Variants in RTN1 observed in about 807,000 individuals in gnomAD.
The protein encoded by RTN1 is reticulon 1, also known as reticulon-1.
Under a neutral mutation model 65.5 loss-of-function variants are expected in RTN1, and 25 were observed. That is an observed-to-expected ratio of 0.38 (90% CI 0.28 to 0.53). The LOEUF is 0.53. Among genes scored for constraint, RTN1 ranks in the 20% least tolerant of loss-of-function variants. The pLI is 0.79. For synonymous variants in RTN1, 471 were observed against 447.6 expected (o/e 1.05, Z -0.66); for missense variants, 983 against 1,025.4 (o/e 0.96, Z 0.57).
At chr14:59,749,639 CTATA>C (rs1275026715) in intron 1 of RTN1, among the ~76,000 whole-genome samples, 33 of 32,592 alleles carry the variant, frequency 1.0e-3, no homozygotes, top group African/African-American at 7.1e-3. Context: ...ATATAGATAT[CTATA>C]TATATTTATA....
Position 59,682,151 on chromosome 14 carries a change from T to A in RTN1, c.1765+44768A>T, listed in dbSNP as rs558690222. On this transcript the variant is annotated intron_variant, in intron 3 of 8. Coordinates refer to ENST00000267484, the MANE Select transcript of RTN1 (RefSeq NM_021136.3). ...CATACTTTCCAGAAAAATGGAATTA[T>A]CCTAATTCCCTGAAATCACATGCTA... Among the ~76,000 whole-genome samples, 5 of 152,296 alleles carry A rather than the reference T, an allele frequency of 3.3e-5. No homozygotes were observed. The East Asian group carries it at 9.7e-4, about 29-fold the overall frequency.
chr14:59,803,515 C>T lies in RTN1; in HGVS notation c.242-57034G>A, dbSNP rs1886583577. On this transcript the variant is annotated intron_variant, in intron 1 of 8. Transcript: ENST00000267484. The surrounding 1 kb of genome is among the most constrained non-coding windows in gnomAD (Gnocchi z 5.6). The stretch of plus-strand genomic sequence containing the variant: ...AATTATTCAAGTTAAATACAACCTT[C>T]TTTGCAGGGTCTTGTCTCCCATATA... Among the ~76,000 whole-genome samples, 1 of 152,194 alleles carries T rather than the reference C, an allele frequency of 6.6e-6. No homozygotes were observed. The highest frequency in any genetic ancestry group is 2.4e-5 in the African/African-American group (1 of 41,446).
intron 3 of RTN1, among the ~76,000 whole-genome samples, chr14:59,625,937 CT>C (rs1367315135): frequency 6.6e-6 from 1 of 152,090 alleles, no homozygotes; most frequent in Non-Finnish European, 1.5e-5. Context: ...AAAAAATCCC[CT>C]TCTCCCCAGC....
intron 1 of RTN1, among the ~76,000 whole-genome samples, chr14:59,751,449 A>G (rs562889075): frequency 6.6e-6 from 1 of 152,218 alleles, no homozygotes; most frequent in South Asian, 2.1e-4. Flanking sequence ...TCAACCCGAG[A>G]TAGATATTTC....
At chr14:59,630,737 G>A (rs1882531314) in intron 3 of RTN1, 1 of 1,102,252 alleles carries the variant, frequency 9.1e-7, no homozygotes, top group Non-Finnish European at 1.1e-6. Context: ...CGCGCATGGG[G>A]ATGCGGGCGC....
At chr14:59,828,842 A>T (rs1036856798) in intron 1 of RTN1, among the ~76,000 whole-genome samples, 1 of 152,208 alleles carries the variant, frequency 6.6e-6, no homozygotes, top group African/African-American at 2.4e-5. Flanking sequence ...ACATATACTC[A>T]TAGATAAATT....
In RTN1 at chr14:59,790,714, T is replaced by C. The variant is rs959731915; in HGVS notation, c.242-44233A>G. On this transcript the variant is annotated intron_variant, in intron 1 of 8. Coordinates refer to ENST00000267484, the MANE Select transcript of RTN1 (RefSeq NM_021136.3). The surrounding 1 kb of genome is among the most constrained non-coding windows in gnomAD (Gnocchi z 4.1). ...CAAGACTTTTTTTGCAAGTTCTTTTTAATGTTTTTTCTTTTTCATTTGTTC... is the reference window on the plus strand; with the variant it reads ...CAAGACTTTTTTTGCAAGTTCTTTTCAATGTTTTTTCTTTTTCATTTGTTC... Among the ~76,000 whole-genome samples the C allele has an allele frequency of 3.3e-5, 5 of 152,182 alleles. No homozygotes were observed. Among genetic ancestry groups the C allele is most frequent in the Non-Finnish European group, 7.3e-5 (5 of 68,036 alleles).
At chr14:59,769,485 A>G (rs1308186372) in intron 1 of RTN1, among the ~76,000 whole-genome samples, 1 of 152,212 alleles carries the variant, frequency 6.6e-6, no homozygotes, top group Non-Finnish European at 1.5e-5. Context: ...CTAGAATTCC[A>G]GAATAAATCC....
chr14:59,860,725 A>G (rs1887693725), intron 1 of RTN1, among the ~76,000 whole-genome samples: 1 of 152,160 alleles, frequency 6.6e-6, no homozygotes, highest in Admixed American at 6.5e-5. Context: ...CACCTCCTGC[A>G]TCAGTGTGAC....
chr14:59,758,072 C>T (rs913307509), intron 1 of RTN1, among the ~76,000 whole-genome samples: 4 of 152,054 alleles, frequency 2.6e-5, no homozygotes, highest in Non-Finnish European at 4.4e-5. Flanking sequence ...CAGTAACCAC[C>T]GATCCTTTTA....
At chr14:59,606,921 C>T (rs759675239) in intron 4 of RTN1, among the ~76,000 whole-genome samples, 1 of 152,174 alleles carries the variant, frequency 6.6e-6, no homozygotes, top group Non-Finnish European at 1.5e-5. Context: ...GGCCACCTGG[C>T]CTTGAGCATG....
intron 7 of RTN1, 43 bp downstream of exon 7, chr14:59,603,169 G>A (rs1457374457): frequency 8.7e-6 from 14 of 1,610,800 alleles, no homozygotes; most frequent in Non-Finnish European, 1.1e-5. Flanking sequence ...AAGATGATGA[G>A]GTCAAAATTC....
At chr14:59,608,924 A>G (rs958199761) in intron 3 of RTN1, among the ~76,000 whole-genome samples, 1 of 152,108 alleles carries the variant, frequency 6.6e-6, no homozygotes, top group African/African-American at 2.4e-5. Flanking sequence ...ATAAAAAAAA[A>G]GTACTGTGCT....
At chr14:59,843,435 C>A (rs1887350576) in intron 1 of RTN1, among the ~76,000 whole-genome samples, 1 of 152,070 alleles carries the variant, frequency 6.6e-6, no homozygotes, top group East Asian at 1.9e-4. Context: ...AGACTTGTTT[C>A]CTTTTCTGTA....
intron 3 of RTN1, among the ~76,000 whole-genome samples, chr14:59,673,819 A>G (rs1339880159): frequency 6.6e-6 from 1 of 152,168 alleles, no homozygotes; most frequent in Non-Finnish European, 1.5e-5. Context: ...GGTTTCACTG[A>G]GGACTGTCCC....
chr14:59,870,510 C>G lies in RTN1; in HGVS notation c.121G>C (p.Ala41Pro), dbSNP rs1193541956. 1 of 1,454,600 alleles carries G rather than the reference C, an allele frequency of 6.9e-7. No homozygotes were observed. The highest frequency in any genetic ancestry group is 3.0e-5 in the East Asian group (1 of 32,874). The allele number at this position is 1,454,600 out of a possible 1,614,324, so 90.1% of individuals were successfully genotyped here. ...EAVTPKGATP[A>P]PQAGEPSPGL... The stretch of plus-strand genomic sequence containing the variant: ...GGGCTGGGCTCCCCAGCCTGCGGCG[C>G]CGGCGTGGCCCCTTTCGGCGTCACC... Residue 41 changes from alanine to proline, a missense_variant, in exon 1 of 9, where the codon GCG (alanine) becomes CCG (proline). Around this residue, in one of 2 missense-constraint regions of RTN1, gnomAD observed 818 missense variants for 801.8 expected, o/e 1.02. Transcript: ENST00000267484. This position sits in a 1 kb window ranked among gnomAD's most constrained non-coding sequence, Gnocchi z 5.1.
chr14:59,630,315 A>AC (rs370799425), intron 3 of RTN1: 2 of 1,101,820 alleles, frequency 1.8e-6, no homozygotes, highest in South Asian at 1.5e-5. Context: ...GAGGTTTACT[A>AC]CCCCCCAACA....
intron 1 of RTN1, among the ~76,000 whole-genome samples, chr14:59,821,221 T>G (rs1360091472): frequency 6.6e-6 from 1 of 152,198 alleles, no homozygotes. Flanking sequence ...TGTAAAGATC[T>G]TTTACCTCCC....
chr14:59,730,009 TAAC>T (rs1884866383), intron 2 of RTN1, among the ~76,000 whole-genome samples: 1 of 152,230 alleles, frequency 6.6e-6, no homozygotes, highest in Non-Finnish European at 1.5e-5. Flanking sequence ...CTAGGGGTAG[TAAC>T]AGCTCCCTAA....
Sources: allele counts gnomAD v4.1 joint callset (sites outside exome capture counted in the v4.1 genomes callset), GRCh38; gene constraint gnomAD v4.1.1; regional missense constraint gnomAD v4.1.1; non-coding constraint Gnocchi (gnomAD v3.1); transcripts MANE v1.5; gene names NCBI Gene and HGNC (gene_info 2026-07-23, HGNC 2026-07-21).